The following GFPT2 variants were observed in gnomAD, a reference collection of about 807,000 sequenced individuals.
GFPT2 encodes the protein glutamine--fructose-6-phosphate aminotransferase [isomerizing] 2.
In GFPT2, 62 loss-of-function variants were observed where a neutral mutation model predicts 85.6. That is an observed-to-expected ratio of 0.72 (90% CI 0.59 to 0.90). The LOEUF (loss-of-function observed/expected upper bound fraction) is 0.90, where lower values mean the gene tolerates loss of function less well. Among genes scored for constraint, GFPT2 ranks in the 40% least tolerant of loss-of-function variants. The pLI is 0.00. For synonymous variants in GFPT2, 368 were observed against 344.5 expected, an observed-to-expected ratio of 1.07 and a Z score of -0.75; for missense variants, 788 against 893.4, an observed-to-expected ratio of 0.88 and a Z score of 1.50.
rs375131566 is a variant in GFPT2, at chr5:180,304,901, G to T, written c.1713C>A (p.Ile571=). The change falls in exon 17 of 19, where the codon ATC becomes ATA. Residue 571 remains isoleucine, a synonymous_variant. Coordinates refer to ENST00000253778, the MANE Select transcript of GFPT2 (RefSeq NM_005110.4). ...KEITYMHSEG[I]LAGELKHGPL... ...GCCCGTGCTTCAGCTCCCCAGCCAGGATGCCTTCTGAGTGCATGTAGGTTA... is the reference window on the plus strand; with the variant it reads ...GCCCGTGCTTCAGCTCCCCAGCCAGTATGCCTTCTGAGTGCATGTAGGTTA... The T allele has an allele frequency of 3.1e-6, 5 of 1,613,278 alleles. No homozygotes were observed. Among genetic ancestry groups the T allele is most frequent in the Non-Finnish European group, 4.2e-6 (5 of 1,179,190 alleles).
rs766439482 is a variant in GFPT2, at chr5:180,313,817, G to A, written c.1421C>T (p.Ala474Val). The change falls in exon 14 of 19, where the codon GCC (alanine) becomes GTC (valine). Residue 474 changes from alanine to valine, a missense_variant. Coordinates refer to ENST00000253778, the MANE Select transcript of GFPT2 (RefSeq NM_005110.4). Reference sequence around the variant, plus strand: ...CGTGGCTCCTCCTACCTTGGTGCTGGCCACGCCGATCTCCGGCCCTGCGTT... The same window carrying A: ...CGTGGCTCCTCCTACCTTGGTGCTGACCACGCCGATCTCCGGCCCTGCGTT... Reference protein sequence around the residue: ...HINAGPEIGVASTKAYTSQFI... With the variant: ...HINAGPEIGVVSTKAYTSQFI... 7 of 1,559,548 alleles carry A rather than the reference G, an allele frequency of 4.5e-6. No homozygotes were observed. In the East Asian group the frequency reaches 1.7e-4, roughly 37 times the overall value.
intron 9 of GFPT2, among the ~76,000 whole-genome samples, chr5:180,319,558 T>C (rs1047545198): frequency 9.2e-5 from 14 of 152,342 alleles, no homozygotes; most frequent in East Asian, 1.9e-4. Flanking sequence ...GAACTCCTAA[T>C]TATTAATAGC....
intron 17 of GFPT2, among the ~76,000 whole-genome samples, chr5:180,302,891 C>G (rs535773825): frequency 6.6e-6 from 1 of 152,248 alleles, no homozygotes; most frequent in East Asian, 1.9e-4. Flanking sequence ...GGCTCATAGT[C>G]TAGTGGTAGA....
At chr5:180,309,696 G>A (rs1211091415) in intron 15 of GFPT2, among the ~76,000 whole-genome samples, 2 of 152,152 alleles carry the variant, frequency 1.3e-5, no homozygotes, top group African/African-American at 4.8e-5. Flanking sequence ...ACAGGCATGA[G>A]CCACCACGCC....
At chr5:180,310,832 CAAAAAAAAAAA>C (rs3080055) in intron 15 of GFPT2, among the ~76,000 whole-genome samples, 84 of 50,584 alleles carry the variant, frequency 1.7e-3, no homozygotes, top group Admixed American at 2.8e-3. Context: ...TGGACACAGG[CAAAAAAAAAAA>C]AAAAAAAAAA....
chr5:180,305,558 T>C (rs1763759767), intron 16 of GFPT2, among the ~76,000 whole-genome samples: 1 of 152,188 alleles, frequency 6.6e-6, no homozygotes, highest in East Asian at 1.9e-4. Context: ...AGGGCCACAC[T>C]GTAAGGAGTG....
At position 180,343,565 on chromosome 5, in the gene GFPT2, C is replaced by A. The variant is rs12523555; in HGVS notation, c.8-4965G>T. 3.0e-3 allele frequency among the ~76,000 whole-genome samples: 454 copies of A among 152,374 alleles called. 4 individuals are homozygous for A. The highest frequency in any genetic ancestry group is 0.01 in the African/African-American group (430 of 41,582). ...GTGACATCCCTTCGGTCACTTCTTT[C>A]ATGAAGGAAGCTCTGTTTCTTTGCT... is the stretch of plus-strand genomic sequence containing the variant. On this transcript the variant is annotated intron_variant, in intron 1 of 18. Transcript: ENST00000253778.
chr5:180,312,623 C>T (rs1763915383), intron 14 of GFPT2, 79 bp from the exon 15 acceptor site: 4 of 770,690 alleles, frequency 5.2e-6, no homozygotes, highest in South Asian at 4.5e-5. Context: ...AGGGTCTACT[C>T]TGTTGCTCAC....
At chr5:180,316,031 TC>T (rs1763999672) in intron 13 of GFPT2, among the ~76,000 whole-genome samples, 1 of 152,210 alleles carries the variant, frequency 6.6e-6, no homozygotes, top group African/African-American at 2.4e-5. Flanking sequence ...TATGAGCACT[TC>T]GGTAAGTGGT....
chr5:180,345,834 C>T (rs71613451), intron 1 of GFPT2, among the ~76,000 whole-genome samples: 3,948 of 152,258 alleles, frequency 0.026, 180 homozygotes, highest in African/African-American at 0.088. Context: ...CAGCTCCGCT[C>T]ACTGGGACCC....
chr5:180,313,940 G>A lies in GFPT2; in HGVS notation c.1298C>T (p.Ala433Val), dbSNP rs1236588244. The part of the protein sequence containing the change: ...QSGETADTLL[A>V]LRYCKDRGAL... The stretch of plus-strand genomic sequence containing the variant: ...GCCGCGGTCCTTACAGTAGCGCAGC[G>A]CCAGGAGGGTGTCCGCGGTCTCGCC... Residue 433 changes from alanine (A) to valine (V), a missense_variant, in exon 14 of 19, where the codon GCG (alanine) becomes GTG (valine). Coordinates refer to ENST00000253778, the MANE Select transcript of GFPT2 (RefSeq NM_005110.4). 6 of 1,602,284 alleles carry A rather than the reference G, an allele frequency of 3.7e-6. No homozygotes were observed. The highest frequency in any genetic ancestry group is 4.2e-6 in the Non-Finnish European group (5 of 1,178,906).
intron 4 of GFPT2, among the ~76,000 whole-genome samples, chr5:180,333,223 T>C (rs1561881070): frequency 1.3e-5 from 2 of 151,390 alleles, no homozygotes; most frequent in Admixed American, 6.6e-5. Flanking sequence ...TATGGTGATA[T>C]TGTTTCTTTT....
At position 180,313,982 on chromosome 5, in the gene GFPT2, T is replaced by G. The variant is rs374321706; in HGVS notation, c.1274-18A>C. ...GGTCTCGCCTGCCGCCCAGGGGCCC[T>G]CTCAGTGCCGCGCTCCGCCAGCCTC... is the stretch of plus-strand genomic sequence containing the variant. On this transcript the variant is annotated intron_variant, in intron 13 of 18. Transcript: ENST00000253778. 100 of 1,581,680 alleles carry G rather than the reference T, an allele frequency of 6.3e-5. No homozygotes were observed. The Middle Eastern group carries it at 1.1e-3, about 18-fold the overall frequency.
rs117316494 is a variant in GFPT2 at position 180,307,230 on chromosome 5, C to G, written c.1620G>C (p.Ser540=). The G allele has an allele frequency of 4.8e-3, 7,778 of 1,612,532 alleles. 127 individuals carry two copies. In the East Asian group the frequency reaches 0.051, roughly 10 times the overall value. The change falls in exon 16 of 19, where the codon TCG becomes TCC. Residue 540 remains serine, a synonymous_variant. Transcript: ENST00000253778. ...DLALELYTQR[S]LLVMGRGYNY... ...TGTAGCCCCGCCCCATCACCAGCAGCGATCTCTGCGTGTAGAGCTCCAGGG... is the reference window on the plus strand; with the variant it reads ...TGTAGCCCCGCCCCATCACCAGCAGGGATCTCTGCGTGTAGAGCTCCAGGG...
chr5:180,335,735 A>T, intron 4 of GFPT2, 93 bp downstream of exon 4: 1 of 1,284,954 alleles, frequency 7.8e-7, no homozygotes, highest in Non-Finnish European at 1.1e-6. Context: ...GAAGTCAGTT[A>T]GAGGTGGGCG....
At chr5:180,308,356 T>C (rs556528457) in intron 15 of GFPT2, among the ~76,000 whole-genome samples, 18 of 152,360 alleles carry the variant, frequency 1.2e-4, no homozygotes, top group Middle Eastern at 3.4e-3. Flanking sequence ...CATTACTTCA[T>C]TTCCAACAAG....
chr5:180,305,974 T>G (rs60479960), intron 16 of GFPT2, among the ~76,000 whole-genome samples: 33,284 of 143,424 alleles, frequency 0.23, 3,929 homozygotes, highest in East Asian at 0.47. Context: ...CTTTTTTTTT[T>G]CTTTCTTTCT....
intron 7 of GFPT2, 113 bp from the exon 8 acceptor site, chr5:180,325,008 G>A (rs1181157572): frequency 1.5e-5 from 11 of 753,912 alleles, no homozygotes; most frequent in Middle Eastern, 3.4e-4. Flanking sequence ...AGTGGTGGAG[G>A]ATCCTGTTTA....
chr5:180,320,053 C>T (rs1222357322), intron 9 of GFPT2, among the ~76,000 whole-genome samples: 6 of 152,228 alleles, frequency 3.9e-5, no homozygotes, highest in East Asian at 3.9e-4. Context: ...AGTGCAGTGG[C>T]GCGATCTCCA....
Sources: gnomAD v4.1 joint callset for allele counts (sites outside exome capture counted in the v4.1 genomes callset) on GRCh38, gnomAD v4.1.1 for gene constraint, MANE v1.5 for transcripts, NCBI Gene and HGNC (gene_info 2026-07-23, HGNC 2026-07-21) for gene names.